Variants in RNF130 observed in about 807,000 individuals in gnomAD.
RNF130 encodes E3 ubiquitin-protein ligase RNF130.
RNF130 carries 21 observed loss-of-function variants against 44.6 expected under a neutral mutation model. That is an observed-to-expected ratio of 0.47 (90% CI 0.33 to 0.68). The LOEUF (loss-of-function observed/expected upper bound fraction) is 0.68, where lower values mean the gene tolerates loss of function less well. Ranked by LOEUF, RNF130 falls within the 30% of genes least tolerant of loss-of-function variation. RNF130 has a pLI of 0.02. For missense variants in RNF130, 479 were observed against 560.6 expected, an observed-to-expected ratio of 0.85 and a Z score of 1.47; for synonymous variants, 214 against 210.4, an observed-to-expected ratio of 1.02 and a Z score of -0.15.
At chr5:179,911,790 G>A (rs1582115955) in exon 8 of RNF130, 1 of 152,332 alleles carries the variant, frequency 6.6e-6, no homozygotes, top group East Asian at 1.9e-4. Context: ...AGACCAAGGA[G>A]CTGTGCTGCC....
intron 8 of RNF130, among the ~76,000 whole-genome samples, chr5:179,961,491 T>C (rs1237313100): frequency 1.3e-5 from 2 of 152,198 alleles, no homozygotes; most frequent in Admixed American, 1.3e-4. Context: ...TGATTTCTAA[T>C]AGGTAACATG....
chr5:180,069,962 T>C (rs900844127), intron 1 of RNF130, among the ~76,000 whole-genome samples: 2 of 152,144 alleles, frequency 1.3e-5, no homozygotes, highest in East Asian at 3.9e-4. Flanking sequence ...GGAGGAAGGA[T>C]CTGAAGTTCA....
chr5:179,956,706 C>T (rs749123712), intron 8 of RNF130, among the ~76,000 whole-genome samples: 1 of 152,216 alleles, frequency 6.6e-6, no homozygotes, highest in Non-Finnish European at 1.5e-5. Context: ...CTTTTCAGCT[C>T]CCCCAAAGGT....
intron 1 of RNF130, among the ~76,000 whole-genome samples, chr5:180,059,027 G>C (rs911146419): frequency 1.3e-5 from 2 of 152,038 alleles, no homozygotes; most frequent in Non-Finnish European, 2.9e-5. Context: ...CCCTCCAATA[G>C]TTTTCCATTC....
At chr5:180,062,179 T>C (rs1765002814) in intron 1 of RNF130, among the ~76,000 whole-genome samples, 1 of 151,810 alleles carries the variant, frequency 6.6e-6, no homozygotes, top group Non-Finnish European at 1.5e-5. Context: ...CTCAGCCTCC[T>C]GAGTAGCTGG....
At chr5:180,041,993 T>C (rs2113142613) in intron 1 of RNF130, among the ~76,000 whole-genome samples, 1 of 152,228 alleles carries the variant, frequency 6.6e-6, no homozygotes, top group East Asian at 1.9e-4. Flanking sequence ...GCTTGAGCCA[T>C]GATCGCACCA....
intron 5 of RNF130, among the ~76,000 whole-genome samples, chr5:179,973,972 C>T (rs1762648126): frequency 6.6e-6 from 1 of 152,132 alleles, no homozygotes; most frequent in Non-Finnish European, 1.5e-5. Flanking sequence ...AAATTCAGCG[C>T]CCTCCCCTTT....
At chr5:180,059,779 G>C (rs576098710) in intron 1 of RNF130, among the ~76,000 whole-genome samples, 3 of 152,342 alleles carry the variant, frequency 2.0e-5, no homozygotes, top group South Asian at 2.1e-4. Flanking sequence ...AGTGTGAAGA[G>C]AAAGCTGTAA....
At chr5:179,970,382 G>T in intron 6 of RNF130, 28 bp downstream of exon 6, 1 of 1,517,868 alleles carries the variant, frequency 6.6e-7, no homozygotes, top group Non-Finnish European at 9.1e-7. Context: ...ATATACAAAA[G>T]TGGTAACAAA....
chr5:180,022,272 A>G (rs965050869), intron 2 of RNF130, among the ~76,000 whole-genome samples: 7 of 152,126 alleles, frequency 4.6e-5, no homozygotes, highest in Admixed American at 3.3e-4. Context: ...GGCTAGGTAA[A>G]TATTCCATCC....
At chr5:180,048,012 T>TA (rs1157422483) in intron 1 of RNF130, among the ~76,000 whole-genome samples, 1 of 151,882 alleles carries the variant, frequency 6.6e-6, no homozygotes, top group Non-Finnish European at 1.5e-5. Flanking sequence ...TTTTTTTTTT[T>TA]TTATTGGAAC....
intron 8 of RNF130, chr5:179,956,282 A>C (rs927181549): frequency 6.6e-6 from 1 of 152,398 alleles, no homozygotes; most frequent in Admixed American, 6.5e-5. Flanking sequence ...AGGGTCCCCA[A>C]ATCAAGCTGT....
chr5:180,025,036 A>C (rs1364288739), intron 2 of RNF130, among the ~76,000 whole-genome samples: 1 of 152,180 alleles, frequency 6.6e-6, no homozygotes, highest in Non-Finnish European at 1.5e-5. Context: ...GAGCAAAAGG[A>C]CTGTCCCAAA....
intron 7 of RNF130, among the ~76,000 whole-genome samples, chr5:179,935,936 A>G (rs1014452342): frequency 3.3e-5 from 5 of 152,144 alleles, no homozygotes; most frequent in Admixed American, 3.3e-4. Flanking sequence ...GTTGATGTCA[A>G]GCGGTCTCCA....
Position 179,955,470 on chromosome 5 carries a change from C to A in RNF130, c.*184G>T. The A allele has an allele frequency of 1.9e-6, 1 of 525,714 alleles. No individual in the cohort carries two copies. The highest frequency in any genetic ancestry group is 3.4e-6 in the Non-Finnish European group (1 of 296,916). 32.6% of individuals were successfully genotyped at this position (525,714 alleles called of 1,614,324 possible). On this transcript the variant is annotated 3_prime_UTR_variant, in exon 9 of 9. Coordinates refer to ENST00000521389, the MANE Select transcript of RNF130 (RefSeq NM_018434.6). The stretch of plus-strand genomic sequence containing the variant: ...CACAGGTCTGGTTAATAAGACTCAA[C>A]AGCACAGACTTTTTATTTTATTATT...
chr5:180,057,925 AG>A (rs1332066827), intron 1 of RNF130, among the ~76,000 whole-genome samples: 1 of 152,140 alleles, frequency 6.6e-6, no homozygotes, highest in Non-Finnish European at 1.5e-5. Flanking sequence ...TGTCTGAAGT[AG>A]GGGGCGGTTT....
intron 1 of RNF130, among the ~76,000 whole-genome samples, chr5:180,060,926 G>A (rs1472926112): frequency 6.6e-6 from 1 of 152,030 alleles, no homozygotes; most frequent in Non-Finnish European, 1.5e-5. Flanking sequence ...AAAATTAGCT[G>A]GGCGAGGTAG....
At chr5:180,026,993 T>C (rs1764006429) in intron 2 of RNF130, among the ~76,000 whole-genome samples, 1 of 152,208 alleles carries the variant, frequency 6.6e-6, no homozygotes, top group Non-Finnish European at 1.5e-5. Flanking sequence ...AGCCTTGGAC[T>C]GTAAACTCAG....
At position 179,937,964 on chromosome 5, in the gene RNF130, G is replaced by GAC. The variant is rs1359654875; in HGVS notation, c.1151-17539_1151-17538insGT. Among the ~76,000 whole-genome samples, 10 of 151,056 alleles carry GAC rather than the reference G, an allele frequency of 6.6e-5. No individual in the cohort carries two copies. In the East Asian group the frequency reaches 1.6e-3, roughly 23 times the overall value. ...AGAGAGAGAGAGAGAGAGAGAGAGA[G>GAC]AGAGAGACAGAGACAGACAGGGTCT... On this transcript the variant is annotated intron_variant, in intron 7 of 7. Coordinates refer to the RNF130 transcript ENST00000522208.
Sources: allele counts gnomAD v4.1 joint callset (sites outside exome capture counted in the v4.1 genomes callset), GRCh38; gene constraint gnomAD v4.1.1; transcripts MANE v1.5; gene names NCBI Gene and HGNC (gene_info 2026-07-23, HGNC 2026-07-21).